Variants in KCNN3 observed in about 807,000 individuals in gnomAD.
KCNN3 encodes potassium calcium-activated channel subfamily N member 3, also known as small conductance calcium-activated potassium channel protein 3.
KCNN3 carries 16 observed loss-of-function variants against 62.9 expected under a neutral mutation model. That is an observed-to-expected ratio of 0.25 (90% CI 0.17 to 0.39). KCNN3 has a LOEUF of 0.39. KCNN3 is among the 10% of genes least tolerant of loss of function. KCNN3 has a pLI of 1.00. For synonymous variants in KCNN3, 370 were observed against 389.2 expected, an observed-to-expected ratio of 0.95 and a Z score of 0.58; for missense variants, 599 against 949.4, an observed-to-expected ratio of 0.63 and a Z score of 4.85.
chr1:154,864,791 C>T (rs111939233), intron 1 of KCNN3, among the ~76,000 whole-genome samples: 10 of 152,016 alleles, frequency 6.6e-5, no homozygotes, highest in African/African-American at 1.7e-4. Flanking sequence ...GTGGGGCAGG[C>T]GAGACAGGAG....
intron 3 of KCNN3, among the ~76,000 whole-genome samples, chr1:154,761,797 A>C (rs573232938): frequency 1.3e-5 from 2 of 152,188 alleles, no homozygotes; most frequent in South Asian, 4.2e-4. Context: ...AAACTTAGCC[A>C]GGCGTTGTGG....
At chr1:154,732,126 G>T (rs1454247968) in intron 4 of KCNN3, among the ~76,000 whole-genome samples, 1 of 152,182 alleles carries the variant, frequency 6.6e-6, no homozygotes, top group Non-Finnish European at 1.5e-5. Flanking sequence ...CAAACCAATG[G>T]GGAGGGCAGG....
chr1:154,719,832 T>G (rs1213299439), intron 5 of KCNN3, among the ~76,000 whole-genome samples: 1 of 152,132 alleles, frequency 6.6e-6, no homozygotes, highest in Admixed American at 6.5e-5. Flanking sequence ...CCCCCTGTTC[T>G]ATTCCACACT....
intron 2 of KCNN3, among the ~76,000 whole-genome samples, chr1:154,788,890 G>C (rs1329181383): frequency 6.6e-6 from 1 of 152,216 alleles, no homozygotes; most frequent in Non-Finnish European, 1.5e-5. Context: ...ACTGAGGCAT[G>C]AAGAGATTAA....
chr1:154,765,152 C>T (rs1472652438), intron 3 of KCNN3, among the ~76,000 whole-genome samples: 1 of 152,160 alleles, frequency 6.6e-6, no homozygotes, highest in Non-Finnish European at 1.5e-5. Flanking sequence ...CTCCTCCTGT[C>T]CCCCACATTC....
chr1:154,736,914 T>G, intron 3 of KCNN3: 1 of 641,446 alleles, frequency 1.6e-6, no homozygotes, highest in Non-Finnish European at 2.9e-6. Flanking sequence ...GTGTCCTTCG[T>G]TGTTTGTCAG....
At chr1:154,864,341 T>G (rs1652877074) in intron 1 of KCNN3, among the ~76,000 whole-genome samples, 6 of 152,212 alleles carry the variant, frequency 3.9e-5, no homozygotes, top group Admixed American at 3.9e-4. Flanking sequence ...AGCACCTGGG[T>G]CCAAACAGAA....
At chr1:154,727,839 C>T (rs1183344985) in intron 4 of KCNN3, among the ~76,000 whole-genome samples, 1 of 152,206 alleles carries the variant, frequency 6.6e-6, no homozygotes, top group Non-Finnish European at 1.5e-5. Flanking sequence ...CTCCCTTCCC[C>T]TCGACCGGAC....
At chr1:154,822,733 C>T (rs58519815) in intron 1 of KCNN3, among the ~76,000 whole-genome samples, 5,732 of 152,252 alleles carry the variant, frequency 0.038, 387 homozygotes, top group African/African-American at 0.13. Context: ...GAGGCAGGGA[C>T]GGCAGAGGAG....
At chr1:154,737,851 G>A (rs901798805) in intron 3 of KCNN3, among the ~76,000 whole-genome samples, 2 of 152,206 alleles carry the variant, frequency 1.3e-5, no homozygotes, top group Non-Finnish European at 2.9e-5. Flanking sequence ...GTGCCCAGGA[G>A]GTTGAGGCTG....
intron 3 of KCNN3, among the ~76,000 whole-genome samples, chr1:154,744,501 T>G (rs1281771884): frequency 2.6e-5 from 4 of 152,122 alleles, no homozygotes; most frequent in Non-Finnish European, 4.4e-5. Context: ...CATTCTAGCT[T>G]GGCAAAATAC....
chr1:154,838,971 A>C (rs1185479760), intron 1 of KCNN3, among the ~76,000 whole-genome samples: 1 of 152,202 alleles, frequency 6.6e-6, no homozygotes, highest in Non-Finnish European at 1.5e-5. Flanking sequence ...CAGAAGGGCC[A>C]GTGCCACTCA....
At chr1:154,713,283 A>G (rs1043169715) in intron 7 of KCNN3, among the ~76,000 whole-genome samples, 181 bp downstream of exon 7, 1 of 152,192 alleles carries the variant, frequency 6.6e-6, no homozygotes, top group Admixed American at 6.5e-5. Context: ...CCCACAAGAC[A>G]TACCGGTAGA....
At chr1:154,863,258 G>A (rs12145618) in intron 1 of KCNN3, among the ~76,000 whole-genome samples, 6,202 of 152,162 alleles carry the variant, frequency 0.041, 192 homozygotes, top group Non-Finnish European at 0.057. Flanking sequence ...AAACCCATTC[G>A]CCTCCTCCGG....
chr1:154,841,541 G>A (rs12133758), intron 1 of KCNN3, among the ~76,000 whole-genome samples: 73 of 152,256 alleles, frequency 4.8e-4, no homozygotes, highest in Middle Eastern at 3.4e-3. Flanking sequence ...TTATTAATAA[G>A]GAGATTGAAA....
intron 1 of KCNN3, among the ~76,000 whole-genome samples, chr1:154,845,693 CA>C (rs1444534864): frequency 1.4e-4 from 21 of 152,190 alleles, no homozygotes; most frequent in Non-Finnish European, 2.5e-4. Context: ...CGCAAACACA[CA>C]CACACACTTC....
intron 5 of KCNN3, among the ~76,000 whole-genome samples, chr1:154,716,396 G>T (rs1244485230): frequency 6.6e-6 from 1 of 152,252 alleles, no homozygotes; most frequent in Non-Finnish European, 1.5e-5. Context: ...CAGGTTACTA[G>T]CCAGAAAGGA....
intron 5 of KCNN3, among the ~76,000 whole-genome samples, chr1:154,724,917 C>T (rs934900342): frequency 4.7e-5 from 7 of 148,936 alleles, no homozygotes; most frequent in Non-Finnish European, 7.4e-5. Flanking sequence ...AGTGCAGTGG[C>T]GCGATCTCGG....
chr1:154,713,891 T>C (rs1482317882), intron 6 of KCNN3, among the ~76,000 whole-genome samples: 2 of 151,358 alleles, frequency 1.3e-5, no homozygotes, highest in Non-Finnish European at 2.9e-5. Context: ...TTTTCCACTA[T>C]ACTTTTAAAA....
Sources: gnomAD v4.1 joint callset for allele counts (sites outside exome capture counted in the v4.1 genomes callset) on GRCh38, gnomAD v4.1.1 for gene constraint, MANE v1.5 for transcripts, NCBI Gene and HGNC (gene_info 2026-07-23, HGNC 2026-07-21) for gene names.